The following COX10 variants were observed in gnomAD, a reference collection of about 807,000 sequenced individuals.
COX10 encodes protoheme IX farnesyltransferase, mitochondrial.
COX10 carries 27 observed loss-of-function variants against 37.3 expected under a neutral mutation model. The ratio of observed to expected loss-of-function variants is 0.72; its 90% CI spans 0.53 to 1.00. The LOEUF (loss-of-function observed/expected upper bound fraction) is 1.00, where lower values mean the gene tolerates loss of function less well. Ranked by LOEUF, COX10 falls within the 50% of genes least tolerant of loss-of-function variation. COX10 has a pLI of 0.00. For missense variants in COX10, 475 were observed against 563.2 expected (o/e 0.84, Z 1.59); for synonymous variants, 222 against 229.1 (o/e 0.97, Z 0.28).
chr17:14,167,030 C>T (rs370664752), intron 5 of COX10, among the ~76,000 whole-genome samples: 6 of 152,060 alleles, frequency 3.9e-5, no homozygotes, highest in East Asian at 1.9e-4. Context: ...AAAGGATTCA[C>T]CATTCTATAT....
chr17:14,178,880 G>A (rs2142254395), intron 5 of COX10, among the ~76,000 whole-genome samples: 1 of 152,186 alleles, frequency 6.6e-6, no homozygotes, highest in South Asian at 2.1e-4. Context: ...AAAGGAAAGG[G>A]TTATAAGGAC....
intron 5 of COX10, among the ~76,000 whole-genome samples, chr17:14,174,102 A>G (rs559110303): frequency 6.5e-4 from 99 of 152,066 alleles, no homozygotes; most frequent in African/African-American, 2.2e-3. Flanking sequence ...TACAGACATG[A>G]TGAAGAACTC....
intron 4 of COX10, among the ~76,000 whole-genome samples, chr17:14,143,530 CAG>C (rs1449962619): frequency 6.6e-6 from 1 of 152,104 alleles, no homozygotes; most frequent in Non-Finnish European, 1.5e-5. Context: ...ATGGAACAAA[CAG>C]AGTCGTTAAA....
intron 5 of COX10, among the ~76,000 whole-genome samples, chr17:14,191,117 A>G (rs1906187517): frequency 6.6e-6 from 1 of 151,984 alleles, no homozygotes; most frequent in African/African-American, 2.4e-5. Flanking sequence ...GAATAAATAA[A>G]CATGCATATA....
At chr17:14,107,144 C>A (rs772903947) in intron 4 of COX10, among the ~76,000 whole-genome samples, 1 of 152,024 alleles carries the variant, frequency 6.6e-6, no homozygotes, top group Non-Finnish European at 1.5e-5. Flanking sequence ...TGAAAAGTGT[C>A]TTCAGACATC....
At chr17:14,161,205 T>C (rs1867482915) in intron 5 of COX10, among the ~76,000 whole-genome samples, 1 of 152,198 alleles carries the variant, frequency 6.6e-6, no homozygotes. Context: ...GGGCCTTAGC[T>C]GTTGTAATTG....
chr17:14,168,678 C>A (rs945488146), intron 5 of COX10, among the ~76,000 whole-genome samples: 1 of 152,212 alleles, frequency 6.6e-6, no homozygotes, highest in African/African-American at 2.4e-5. Flanking sequence ...CCTTCTGAAG[C>A]CATGGCTTGA....
intron 4 of COX10, among the ~76,000 whole-genome samples, chr17:14,124,668 G>C (rs1270589782): frequency 6.6e-6 from 1 of 152,142 alleles, no homozygotes; most frequent in Non-Finnish European, 1.5e-5. Flanking sequence ...CCATGTTCTT[G>C]CCCTCGATGG....
At chr17:14,146,660 G>T (rs1373987993) in intron 4 of COX10, among the ~76,000 whole-genome samples, 1 of 152,062 alleles carries the variant, frequency 6.6e-6, no homozygotes, top group East Asian at 1.9e-4. Context: ...AAGTTAAAAA[G>T]CTTCTTCACA....
intron 4 of COX10, among the ~76,000 whole-genome samples, chr17:14,144,799 CTTTTTCTTT>C (rs925736937): frequency 2.6e-5 from 4 of 151,958 alleles, no homozygotes; most frequent in African/African-American, 7.3e-5. Context: ...GTTTTCTTTT[CTTTTTCTTT>C]TTTTTCTTTT....
chr17:14,196,798 C>G (rs555963543), intron 6 of COX10, among the ~76,000 whole-genome samples: 3 of 152,202 alleles, frequency 2.0e-5, no homozygotes, highest in Non-Finnish European at 4.4e-5. Context: ...CTCCCACACT[C>G]TCTTTGCCCT....
chr17:14,193,222 A>T (rs550054465), intron 6 of COX10, among the ~76,000 whole-genome samples: 1 of 152,154 alleles, frequency 6.6e-6, no homozygotes, highest in African/African-American at 2.4e-5. Flanking sequence ...CGCTGCCTGG[A>T]TGGGGAGCCC....
At chr17:14,181,388 G>A (rs1185786937) in intron 5 of COX10, among the ~76,000 whole-genome samples, 1 of 151,508 alleles carries the variant, frequency 6.6e-6, no homozygotes, top group Non-Finnish European at 1.5e-5. Flanking sequence ...CCTGGCCAAA[G>A]GTCCTGGTCC....
intron 5 of COX10, among the ~76,000 whole-genome samples, chr17:14,188,225 T>C (rs1043348557): frequency 1.7e-5 from 2 of 116,594 alleles, no homozygotes; most frequent in Non-Finnish European, 3.7e-5. Context: ...AAAAAAAAAA[T>C]CTGTTCTTAT....
intron 4 of COX10, among the ~76,000 whole-genome samples, chr17:14,108,772 G>A (rs1915952047): frequency 6.6e-6 from 1 of 152,100 alleles, no homozygotes; most frequent in Non-Finnish European, 1.5e-5. Context: ...GGAAAAACAG[G>A]TAAAGATTTT....
At chr17:14,116,285 T>G (rs1420031847) in intron 4 of COX10, among the ~76,000 whole-genome samples, 1 of 152,146 alleles carries the variant, frequency 6.6e-6, no homozygotes, top group East Asian at 1.9e-4. Context: ...AAATAATTCC[T>G]AAGTTTAAGT....
intron 4 of COX10, among the ~76,000 whole-genome samples, chr17:14,120,253 G>T (rs981254676): frequency 2.6e-5 from 4 of 152,200 alleles, no homozygotes; most frequent in African/African-American, 9.6e-5. Context: ...CAAGTGGATA[G>T]ATGGATATGT....
intron 5 of COX10, among the ~76,000 whole-genome samples, chr17:14,172,589 T>C (rs1211235727): frequency 6.8e-6 from 1 of 146,298 alleles, no homozygotes; most frequent in Non-Finnish European, 1.5e-5. Flanking sequence ...TTTTTTTTTT[T>C]TTTTTTTTTG....
At chr17:14,120,982 A>G (rs1353509457) in intron 4 of COX10, among the ~76,000 whole-genome samples, 1 of 152,094 alleles carries the variant, frequency 6.6e-6, no homozygotes, top group African/African-American at 2.4e-5. Context: ...CTTTCCTGAC[A>G]TTTTCATCTC....
Sources: gnomAD v4.1 joint callset for allele counts (sites outside exome capture counted in the v4.1 genomes callset) on GRCh38, gnomAD v4.1.1 for gene constraint, MANE v1.5 for transcripts, NCBI Gene and HGNC (gene_info 2026-07-23, HGNC 2026-07-21) for gene names.